Variants in CCDC83 observed in about 807,000 individuals in gnomAD.
CCDC83 encodes the protein coiled-coil domain-containing protein 83.
Under a neutral mutation model 50.1 loss-of-function variants are expected in CCDC83, and 54 were observed. The ratio of observed to expected loss-of-function variants is 1.08; its 90% CI spans 0.87 to 1.35. The LOEUF (loss-of-function observed/expected upper bound fraction) is 1.35. Among genes scored for constraint, CCDC83 ranks in the 40% most tolerant of loss-of-function variants. CCDC83 has a pLI of 0.00. For synonymous variants in CCDC83, 161 were observed against 153.3 expected, an observed-to-expected ratio of 1.05 and a Z score of -0.37; for missense variants, 518 against 473.9, an observed-to-expected ratio of 1.09 and a Z score of -0.86.
chr11:85,864,029 A>C (rs954513432), intron 1 of CCDC83, among the ~76,000 whole-genome samples: 5 of 152,248 alleles, frequency 3.3e-5, no homozygotes, highest in African/African-American at 1.2e-4. Flanking sequence ...GAAGTTCCTC[A>C]AAAAGATTAA....
rs183645975 is a variant in CCDC83, at chr11:85,894,606, T to C, written c.512-687T>C. Among the ~76,000 whole-genome samples, 4 of 152,308 alleles carry C rather than the reference T, an allele frequency of 2.6e-5. No individual in the cohort carries two copies. The East Asian group carries it at 5.8e-4, about 22-fold the overall frequency. On this transcript the variant is annotated intron_variant, in intron 5 of 10. Transcript: ENST00000342404. ...ACACATCACCACCTGAAATATTATT[T>C]ATTTACCTGCTTACTTATTTATGAT...
chr11:85,873,412 T>C (rs868597305), intron 3 of CCDC83, 117 bp downstream of exon 3: 53 of 467,676 alleles, frequency 1.1e-4, no homozygotes, highest in African/African-American at 7.9e-4. Context: ...AAGCTTGGAA[T>C]TGATTGATTT....
At chr11:85,915,531 T>G (rs748742568) in intron 9 of CCDC83, 33 bp downstream of exon 9, 1 of 1,465,362 alleles carries the variant, frequency 6.8e-7, no homozygotes, top group Non-Finnish European at 9.4e-7. Flanking sequence ...ATGATGATTT[T>G]TTTCAAACTC....
chr11:85,883,443 G>A (rs2093311611), intron 4 of CCDC83, among the ~76,000 whole-genome samples: 1 of 152,056 alleles, frequency 6.6e-6, no homozygotes, highest in Admixed American at 6.6e-5. Context: ...GGAGGAAATA[G>A]GGATTAGCGT....
chr11:85,896,414 A>C (rs1405629907), intron 6 of CCDC83, among the ~76,000 whole-genome samples: 3 of 151,058 alleles, frequency 2.0e-5, no homozygotes, highest in Non-Finnish European at 4.4e-5. Context: ...AAAAAAAAAA[A>C]AAAAAAAAAA....
At chr11:85,867,588 T>C (rs1039592084) in intron 2 of CCDC83, among the ~76,000 whole-genome samples, 3 of 152,240 alleles carry the variant, frequency 2.0e-5, no homozygotes, top group Admixed American at 2.0e-4. Flanking sequence ...TACTCATTTC[T>C]CAACATAACT....
At chr11:85,912,700 G>C in intron 8 of CCDC83, 1 of 1,612,434 alleles carries the variant, frequency 6.2e-7, no homozygotes, top group Non-Finnish European at 8.5e-7. Context: ...ATCTGCTGCT[G>C]CTGCCTTTGG....
chr11:85,860,955 G>A (rs2093172683), intron 1 of CCDC83, among the ~76,000 whole-genome samples: 1 of 151,842 alleles, frequency 6.6e-6, no homozygotes, highest in Non-Finnish European at 1.5e-5. Flanking sequence ...CACAAAGATG[G>A]GAAAAATAGA....
Position 85,898,578 on chromosome 11 carries a change from T to A in CCDC83, c.604-369T>A, listed in dbSNP as rs566381419. Among the ~76,000 whole-genome samples, 3 of 152,346 alleles carry A rather than the reference T, an allele frequency of 2.0e-5. No homozygotes were observed. In the East Asian group the frequency reaches 5.8e-4, roughly 29 times the overall value. On this transcript the variant is annotated intron_variant, in intron 6 of 10. Transcript: ENST00000342404. ...AAAAGATAGTAATCTGTTCATGTTT[T>A]TGCTATATGTTGGATTATGTCTGTG... is the stretch of plus-strand genomic sequence containing the variant.
chr11:85,899,961 A>T (rs1464102251), intron 7 of CCDC83, among the ~76,000 whole-genome samples: 2 of 152,240 alleles, frequency 1.3e-5, no homozygotes, highest in African/African-American at 2.4e-5. Context: ...CCACAAAGAG[A>T]ACAAGAGGAG....
chr11:85,881,909 A>G (rs1273121299), intron 3 of CCDC83, among the ~76,000 whole-genome samples: 1 of 152,102 alleles, frequency 6.6e-6, no homozygotes, highest in African/African-American at 2.4e-5. Context: ...AGCTTCTTGA[A>G]TTCATAGGTT....
intron 2 of CCDC83, among the ~76,000 whole-genome samples, chr11:85,870,892 C>T (rs1316034685): frequency 3.3e-5 from 5 of 152,014 alleles, no homozygotes; most frequent in Admixed American, 2.0e-4. Flanking sequence ...GTAGGCCAGG[C>T]GCAGTGGCTC....
chr11:85,872,287 C>A (rs571482493), intron 2 of CCDC83, among the ~76,000 whole-genome samples: 10 of 152,036 alleles, frequency 6.6e-5, no homozygotes, highest in Non-Finnish European at 1.3e-4. Context: ...GAGTTTGAGA[C>A]CAGCCTGGCC....
At chr11:85,893,700 G>T (rs1246633388) in intron 5 of CCDC83, among the ~76,000 whole-genome samples, 1 of 152,180 alleles carries the variant, frequency 6.6e-6, no homozygotes, top group Non-Finnish European at 1.5e-5. Flanking sequence ...AGAAACCTTA[G>T]ATTCTTTTAG....
intron 5 of CCDC83, among the ~76,000 whole-genome samples, chr11:85,894,493 T>G (rs1454914411): frequency 2.0e-5 from 3 of 152,198 alleles, no homozygotes; most frequent in African/African-American, 7.2e-5. Context: ...GCTGACTACC[T>G]GACTCAGTCC....
chr11:85,901,409 C>T (rs1389623901), intron 7 of CCDC83, among the ~76,000 whole-genome samples: 1 of 151,420 alleles, frequency 6.6e-6, no homozygotes, highest in Admixed American at 6.6e-5. Context: ...CCCATCTATA[C>T]AAAAAATAGA....
At chr11:85,917,158 G>GAAAGAAAAAGAAAGAAAGAA (rs1202011090) in intron 10 of CCDC83, among the ~76,000 whole-genome samples, 7 of 66,818 alleles carry the variant, frequency 1.0e-4, no homozygotes, top group African/African-American at 3.7e-4. Flanking sequence ...GAGAGAGAGA[G>GAAAGAAAAAGAAAGAAAGAA]AGAGAGAGAG....
rs2093236423 is a variant in CCDC83, at chr11:85,871,392, A to G, written c.96-1819A>G. ...TAGAGAACTGGAAAACCAGCTCTAAAATTCAAGTTTCATAGTATCCAAACG... is the reference window on the plus strand; with the variant it reads ...TAGAGAACTGGAAAACCAGCTCTAAGATTCAAGTTTCATAGTATCCAAACG... On this transcript the variant is annotated intron_variant, in intron 2 of 10. Transcript: ENST00000342404. Among the ~76,000 whole-genome samples the G allele has an allele frequency of 2.6e-5, 4 of 152,232 alleles. No individual in the cohort carries two copies. The South Asian group carries it at 8.3e-4, about 31-fold the overall frequency.
intron 7 of CCDC83, 106 bp from the exon 8 acceptor site, chr11:85,911,175 T>TAA (rs368467157): frequency 2.8e-3 from 1,864 of 658,288 alleles, no homozygotes; most frequent in East Asian, 6.4e-3. Context: ...CCGTCTCAAA[T>TAA]AAAAAAAAAA....
Sources: gnomAD v4.1 joint callset for allele counts (sites outside exome capture counted in the v4.1 genomes callset) on GRCh38, gnomAD v4.1.1 for gene constraint, MANE v1.5 for transcripts, NCBI Gene and HGNC (gene_info 2026-07-23, HGNC 2026-07-21) for gene names.